Variants in ATOH8 observed in about 807,000 individuals in gnomAD.
ATOH8 encodes atonal bHLH transcription factor 8.
ATOH8 carries 9 observed loss-of-function variants against 21.2 expected under a neutral mutation model. That is an observed-to-expected ratio of 0.42 (90% CI 0.26 to 0.74). ATOH8 has a LOEUF of 0.74. ATOH8 is among the 30% of genes least tolerant of loss of function. The pLI is 0.24. For missense variants in ATOH8, 524 were observed against 470.9 expected (o/e 1.11, Z -1.04); for synonymous variants, 253 against 224.0 (o/e 1.13, Z -1.16).
chr2:85,781,167 G>A (rs1680485136), intron 2 of ATOH8: 1 of 774,242 alleles, frequency 1.3e-6, no homozygotes, highest in African/African-American at 1.9e-5. Context: ...AATACTGTAT[G>A]TGAGTACGCA....
chr2:85,764,149 C>T lies in ATOH8; in HGVS notation c.927C>T (p.Thr309=), dbSNP rs369738451. Residue 309 remains threonine, a synonymous_variant, in exon 2 of 3, where the codon ACC becomes ACT. Transcript: ENST00000306279. ...AGTGTGTGCAGCGCTGCACCCGCAC[C>T]CTGCAGGCCGAGGGACGTGCCAAGA... is the stretch of plus-strand genomic sequence containing the variant. The part of the protein sequence containing the change: ...FSECVQRCTR[T]LQAEGRAKKR... 77 of 1,614,060 alleles carry T rather than the reference C, an allele frequency of 4.8e-5. No homozygotes were observed. In the African/African-American group the frequency reaches 1.0e-3, roughly 21 times the overall value.
intron 2 of ATOH8, among the ~76,000 whole-genome samples, chr2:85,770,270 C>A (rs1292099759): frequency 6.6e-6 from 1 of 152,210 alleles, no homozygotes; most frequent in Non-Finnish European, 1.5e-5. Context: ...ATCACCTAAC[C>A]ACTAACAGAG....
At chr2:85,769,907 G>A (rs1402122004) in intron 2 of ATOH8, among the ~76,000 whole-genome samples, 1 of 152,210 alleles carries the variant, frequency 6.6e-6, no homozygotes, top group Non-Finnish European at 1.5e-5. Context: ...CCCTGCTGAG[G>A]CCTTGTCTCT....
rs1373247151 is a variant in ATOH8 at position 85,754,851 on chromosome 2, C to T, written c.662C>T (p.Ser221Phe). ...CGACCGGGCGAAGCGACTGCCGCCT[C>T]CTCCGAGATCAAAGCCCTGCAGCAG... is the stretch of plus-strand genomic sequence containing the variant. ...RKRPGEATAA[S>F]SEIKALQQTR... The change falls in exon 1 of 3, where the codon TCC (serine) becomes TTC (phenylalanine). Residue 221 changes from serine to phenylalanine, a missense_variant. Ser to Phe is a radical substitution (Grantham distance 155, BLOSUM62 -2). Coordinates refer to ENST00000306279, the MANE Select transcript of ATOH8 (RefSeq NM_032827.7). The T allele has an allele frequency of 6.2e-7, 1 of 1,612,490 alleles. No individual in the cohort carries two copies. Among genetic ancestry groups the T allele is most frequent in the South Asian group, 1.1e-5 (1 of 91,088 alleles).
chr2:85,764,278 G>T, intron 2 of ATOH8, 96 bp downstream of exon 2: 1 of 1,479,128 alleles, frequency 6.8e-7, no homozygotes, highest in Non-Finnish European at 9.2e-7. Flanking sequence ...GAATTCTGAA[G>T]GGGCCAGAGA....
In ATOH8 at chr2:85,785,760, T is replaced by G. The variant is rs1205432985; in HGVS notation, c.961-1125T>G. Reference sequence around the variant, plus strand: ...ATTGCTCACTCATGAGAGGGGGGAATGGGAATGCTCCCTGGCAGGTCGGAG... The same window carrying G: ...ATTGCTCACTCATGAGAGGGGGGAAGGGGAATGCTCCCTGGCAGGTCGGAG... On this transcript the variant is annotated intron_variant, in intron 2 of 2. Coordinates refer to ENST00000306279, the MANE Select transcript of ATOH8 (RefSeq NM_032827.7). This position sits in a 1 kb window ranked among gnomAD's most constrained non-coding sequence, Gnocchi z 4.1. 5.3e-5 allele frequency among the ~76,000 whole-genome samples: 8 copies of G among 152,364 alleles called. No homozygotes were observed. The highest frequency in any genetic ancestry group is 1.5e-5 in the Non-Finnish European group (1 of 68,022).
chr2:85,754,999 G>T (rs941483306), intron 1 of ATOH8, 42 bp downstream of exon 1: 12 of 1,539,020 alleles, frequency 7.8e-6, no homozygotes, highest in Non-Finnish European at 8.7e-6. Context: ...GCCGGGGGAC[G>T]ACTGCGGGAA....
At chr2:85,786,610 C>T (rs189343250) in intron 2 of ATOH8, among the ~76,000 whole-genome samples, 4 of 152,304 alleles carry the variant, frequency 2.6e-5, no homozygotes, top group Admixed American at 6.5e-5. Flanking sequence ...GAGCTTCCAG[C>T]GGCCCTGGCT....
intron 2 of ATOH8, among the ~76,000 whole-genome samples, chr2:85,769,470 T>C (rs918408035): frequency 6.6e-6 from 1 of 152,186 alleles, no homozygotes; most frequent in Non-Finnish European, 1.5e-5. Context: ...GCCCTGTGGG[T>C]AATCTGAAGC....
chr2:85,774,159 C>T, intron 2 of ATOH8: 8 of 985,476 alleles, frequency 8.1e-6, no homozygotes, highest in Non-Finnish European at 9.6e-6. Flanking sequence ...AGTTGGTCTT[C>T]GTGGGGCCAA....
At chr2:85,774,328 G>T in intron 2 of ATOH8, 6 of 985,518 alleles carry the variant, frequency 6.1e-6, no homozygotes, top group Non-Finnish European at 7.2e-6. Flanking sequence ...GCTCAGCCTT[G>T]AGCCCTGCAC....
At chr2:85,773,059 A>G in intron 2 of ATOH8, 1 of 357,526 alleles carries the variant, frequency 2.8e-6, no homozygotes, top group South Asian at 2.2e-5. Flanking sequence ...CAAAACAGGC[A>G]GCGCCATGGC....
intron 2 of ATOH8, among the ~76,000 whole-genome samples, chr2:85,765,802 T>C (rs1005304730): frequency 6.6e-6 from 1 of 152,156 alleles, no homozygotes; most frequent in Non-Finnish European, 1.5e-5. Flanking sequence ...GGGAGGAGGC[T>C]GGATGCCTGG....
chr2:85,782,986 G>A (rs1680535435), intron 2 of ATOH8, among the ~76,000 whole-genome samples: 1 of 152,188 alleles, frequency 6.6e-6, no homozygotes, highest in African/African-American at 2.4e-5. Flanking sequence ...GTGACGCCTG[G>A]CCCAGCATTT....
intron 1 of ATOH8, among the ~76,000 whole-genome samples, chr2:85,761,398 G>A (rs565210790): frequency 6.6e-6 from 1 of 152,206 alleles, no homozygotes; most frequent in South Asian, 2.1e-4. Flanking sequence ...GTTTCTTCTT[G>A]TTAGATCTGG....
intron 2 of ATOH8, among the ~76,000 whole-genome samples, chr2:85,768,909 G>T (rs1201118632): frequency 6.6e-6 from 1 of 152,164 alleles, no homozygotes; most frequent in Non-Finnish European, 1.5e-5. Context: ...GCAGAGAGAC[G>T]GGCGGGAGGC....
At chr2:85,784,497 G>A (rs1027542999) in intron 2 of ATOH8, among the ~76,000 whole-genome samples, 5 of 152,034 alleles carry the variant, frequency 3.3e-5, no homozygotes, top group Non-Finnish European at 7.4e-5. Context: ...AGCCATGATT[G>A]CAACCACTAC....
rs1680597545 is a variant in ATOH8 at position 85,785,318 on chromosome 2, C to T, written c.961-1567C>T. Among the ~76,000 whole-genome samples the T allele has an allele frequency of 6.6e-6, 1 of 152,266 alleles. No individual in the cohort carries two copies. Among genetic ancestry groups the T allele is most frequent in the African/African-American group, 2.4e-5 (1 of 41,470 alleles). On this transcript the variant is annotated intron_variant, in intron 2 of 2. Coordinates refer to ENST00000306279, the MANE Select transcript of ATOH8 (RefSeq NM_032827.7). This position sits in a 1 kb window ranked among gnomAD's most constrained non-coding sequence, Gnocchi z 4.1. ...TTCCTTTCCGCTTCTTAATCCTCCT[C>T]CTCAGACTCGGTAACACAAAGCAGA...
At chr2:85,780,161 G>C (rs892727864) in intron 2 of ATOH8, among the ~76,000 whole-genome samples, 1 of 152,182 alleles carries the variant, frequency 6.6e-6, no homozygotes, top group East Asian at 1.9e-4. Context: ...CCCCAGCCCT[G>C]CACTTGTGGA....
Sources: gnomAD v4.1 joint callset for allele counts (sites outside exome capture counted in the v4.1 genomes callset) on GRCh38, gnomAD v4.1.1 for gene constraint, Gnocchi (gnomAD v3.1) non-coding constraint, MANE v1.5 for transcripts, NCBI Gene and HGNC (gene_info 2026-07-23, HGNC 2026-07-21) for gene names.